Variants in PHACTR1 observed in about 807,000 individuals in gnomAD.
The protein encoded by PHACTR1 is phosphatase and actin regulator 1.
In PHACTR1, 16 loss-of-function variants were observed where a neutral mutation model predicts 69.2. The observed-to-expected ratio is 0.23, with a 90% CI of 0.16 to 0.35. PHACTR1 has a LOEUF of 0.35. Ranked by LOEUF, PHACTR1 falls within the 10% of genes least tolerant of loss-of-function variation. PHACTR1 has a pLI of 1.00. For missense variants in PHACTR1, 510 were observed against 734.7 expected, an observed-to-expected ratio of 0.69 and a Z score of 3.54; for synonymous variants, 312 against 284.5, an observed-to-expected ratio of 1.10 and a Z score of -0.97.
At chr6:12,935,388 C>T (rs1274064140) in intron 4 of PHACTR1, among the ~76,000 whole-genome samples, 7 of 152,044 alleles carry the variant, frequency 4.6e-5, no homozygotes, top group Admixed American at 6.6e-5. Context: ...GGATTATAGG[C>T]GCCCAACACC....
intron 4 of PHACTR1, among the ~76,000 whole-genome samples, chr6:12,899,698 A>G (rs1785001684): frequency 6.6e-6 from 1 of 152,244 alleles, no homozygotes; most frequent in Admixed American, 6.5e-5. Flanking sequence ...TATGCTTAGG[A>G]TAAGCCCTGC....
intron 5 of PHACTR1, among the ~76,000 whole-genome samples, chr6:13,088,872 G>A (rs964181043): frequency 6.6e-6 from 1 of 152,204 alleles, no homozygotes; most frequent in African/African-American, 2.4e-5. Context: ...CAAGATTACA[G>A]GCAATCTGCT....
At chr6:12,931,523 G>A (rs1380161376) in intron 4 of PHACTR1, among the ~76,000 whole-genome samples, 4 of 152,100 alleles carry the variant, frequency 2.6e-5, no homozygotes, top group Non-Finnish European at 4.4e-5. Flanking sequence ...AACTGGAGGT[G>A]CAGTCTAAGT....
chr6:13,245,769 G>A lies in PHACTR1; in HGVS notation c.1391+15576G>A, dbSNP rs1358694961. 6.6e-6 allele frequency among the ~76,000 whole-genome samples: 1 copy of A among 152,066 alleles called. No homozygotes were observed. The highest frequency in any genetic ancestry group is 1.5e-5 in the Non-Finnish European group (1 of 68,008). ...ATGGTATTTCCTAGGTTATCTTCCAGGGTTTTTATAGTTTTAGGTTTTAAG... is the reference window on the plus strand; with the variant it reads ...ATGGTATTTCCTAGGTTATCTTCCAAGGTTTTTATAGTTTTAGGTTTTAAG... On this transcript the variant is annotated intron_variant, in intron 10 of 14. Transcript: ENST00000332995. The surrounding 1 kb of genome is among the most constrained non-coding windows in gnomAD (Gnocchi z 4.1).
At chr6:13,193,520 G>A (rs1234969537) in intron 7 of PHACTR1, among the ~76,000 whole-genome samples, 2 of 150,910 alleles carry the variant, frequency 1.3e-5, no homozygotes, top group Non-Finnish European at 3.0e-5. Context: ...CCAAGTAGCT[G>A]GGACTATAGG....
intron 6 of PHACTR1, among the ~76,000 whole-genome samples, chr6:13,165,927 A>C (rs1243790366): frequency 3.3e-5 from 5 of 152,176 alleles, no homozygotes; most frequent in Non-Finnish European, 7.4e-5. Flanking sequence ...GCCTGCTCAA[A>C]GCCTGCAGTG....
intron 4 of PHACTR1, among the ~76,000 whole-genome samples, chr6:12,920,171 A>G (rs1787482266): frequency 6.6e-6 from 1 of 152,226 alleles, no homozygotes; most frequent in African/African-American, 2.4e-5. Context: ...AAGTTTCCAA[A>G]TAAACTTAAC....
At chr6:12,844,465 G>A (rs1779002867) in intron 4 of PHACTR1, among the ~76,000 whole-genome samples, 1 of 151,998 alleles carries the variant, frequency 6.6e-6, no homozygotes, top group South Asian at 2.1e-4. Flanking sequence ...CGCACTGTGA[G>A]GTCAGAGAAA....
intron 4 of PHACTR1, among the ~76,000 whole-genome samples, chr6:13,017,046 C>T (rs1561694780): frequency 6.6e-6 from 1 of 152,008 alleles, no homozygotes; most frequent in South Asian, 2.1e-4. Context: ...AATTAGCCAG[C>T]ATGGTGGCAC....
At chr6:13,230,771 C>T (rs1166423992) in intron 10 of PHACTR1, among the ~76,000 whole-genome samples, 1 of 135,242 alleles carries the variant, frequency 7.4e-6, no homozygotes, top group East Asian at 2.0e-4. Flanking sequence ...AGTCCTAATA[C>T]ATTGGGTGGC....
chr6:13,062,777 T>G (rs1807872032), intron 5 of PHACTR1, among the ~76,000 whole-genome samples: 1 of 152,206 alleles, frequency 6.6e-6, no homozygotes, highest in African/African-American at 2.4e-5. Flanking sequence ...TTGACATCTT[T>G]GTAGTGTGGG....
At chr6:12,979,111 C>G (rs893797802) in intron 4 of PHACTR1, among the ~76,000 whole-genome samples, 4 of 152,232 alleles carry the variant, frequency 2.6e-5, no homozygotes, top group Non-Finnish European at 5.9e-5. Context: ...ACTCCCACCT[C>G]CAACCCAGCC....
In PHACTR1 at chr6:13,022,845, C is replaced by T. The variant is rs113191585; in HGVS notation, c.251-30520C>T. Among the ~76,000 whole-genome samples, 524 of 151,778 alleles carry T rather than the reference C, an allele frequency of 3.5e-3. 2 individuals are homozygous for T. The highest frequency in any genetic ancestry group is 0.01 in the African/African-American group (423 of 41,360). On this transcript the variant is annotated intron_variant, in intron 4 of 14. Coordinates refer to ENST00000332995, the MANE Select transcript of PHACTR1 (RefSeq NM_030948.6). Reference sequence around the variant, plus strand: ...CAGCCTGGGCAACATGGCGAAACCCCGTCTCTACAAAAAGTACTAAAATTA... The same window carrying T: ...CAGCCTGGGCAACATGGCGAAACCCTGTCTCTACAAAAAGTACTAAAATTA...
intron 4 of PHACTR1, among the ~76,000 whole-genome samples, chr6:12,812,976 G>A (rs1335045396): frequency 6.6e-6 from 1 of 152,212 alleles, no homozygotes; most frequent in Non-Finnish European, 1.5e-5. Flanking sequence ...GACCGAGGCA[G>A]CAACAGCAGA....
intron 7 of PHACTR1, among the ~76,000 whole-genome samples, chr6:13,188,174 T>C (rs1289810847): frequency 6.6e-6 from 1 of 152,220 alleles, no homozygotes; most frequent in African/African-American, 2.4e-5. Flanking sequence ...ATGTAGTACC[T>C]GGTAACCTCT....
At chr6:13,188,116 A>G (rs770893589) in intron 7 of PHACTR1, among the ~76,000 whole-genome samples, 6 of 152,152 alleles carry the variant, frequency 3.9e-5, no homozygotes, top group Non-Finnish European at 8.8e-5. Context: ...ACCTCTATAC[A>G]GCTTGGATCA....
chr6:13,218,317 C>T (rs1008461), intron 8 of PHACTR1, among the ~76,000 whole-genome samples: 8,410 of 152,242 alleles, frequency 0.055, 339 homozygotes, highest in Non-Finnish European at 0.074. Flanking sequence ...ATTTCCTACT[C>T]ATCAGCCTGT....
intron 4 of PHACTR1, among the ~76,000 whole-genome samples, chr6:12,819,361 G>A (rs1775948775): frequency 6.6e-6 from 1 of 152,170 alleles, no homozygotes; most frequent in South Asian, 2.1e-4. Flanking sequence ...TTGTTCCACA[G>A]TAGCTCTTGT....
chr6:12,938,929 G>A (rs1789771696), intron 4 of PHACTR1, among the ~76,000 whole-genome samples: 1 of 152,136 alleles, frequency 6.6e-6, no homozygotes, highest in Non-Finnish European at 1.5e-5. Context: ...TCATTGTATG[G>A]ATATACCACA....
Sources: gnomAD v4.1 joint callset for allele counts (sites outside exome capture counted in the v4.1 genomes callset) on GRCh38, gnomAD v4.1.1 for gene constraint, Gnocchi (gnomAD v3.1) non-coding constraint, MANE v1.5 for transcripts, NCBI Gene and HGNC (gene_info 2026-07-23, HGNC 2026-07-21) for gene names.